The following RBFOX1 variants were observed in gnomAD, a reference collection of about 807,000 sequenced individuals.
The protein encoded by RBFOX1 is RNA binding protein fox-1 homolog 1.
In RBFOX1, 8 loss-of-function variants were observed where a neutral mutation model predicts 57.7. The ratio of observed to expected loss-of-function variants is 0.14; its 90% confidence interval spans 0.08 to 0.25. The LOEUF is 0.25. RBFOX1 is among the 10% of genes least tolerant of loss of function. The pLI, the probability that RBFOX1 is intolerant of heterozygous loss-of-function variation, is 1.00. For synonymous variants in RBFOX1, 326 were observed against 222.4 expected (o/e 1.47, Z -4.15); for missense variants, 611 against 548.5 (o/e 1.11, Z -1.14).
At chr16:7,317,426 C>G (rs1236037484) in intron 4 of RBFOX1, among the ~76,000 whole-genome samples, 1 of 152,138 alleles carries the variant, frequency 6.6e-6, no homozygotes, top group Non-Finnish European at 1.5e-5. Context: ...ACTCTACCAT[C>G]ACCACCACTA....
At chr16:7,426,180 A>G (rs2098609396) in intron 4 of RBFOX1, among the ~76,000 whole-genome samples, 1 of 152,224 alleles carries the variant, frequency 6.6e-6, no homozygotes, top group Non-Finnish European at 1.5e-5. Context: ...AGAAGCAAAC[A>G]CAGCCGAAAA....
At chr16:6,652,461 A>C (rs967540125) in intron 2 of RBFOX1, among the ~76,000 whole-genome samples, 1 of 151,950 alleles carries the variant, frequency 6.6e-6, no homozygotes, top group African/African-American at 2.4e-5. Context: ...AAGAAAAAAA[A>C]AAGCCATGGG....
At chr16:6,029,541 A>G (rs886951505) in intron 1 of RBFOX1, among the ~76,000 whole-genome samples, 3 of 152,182 alleles carry the variant, frequency 2.0e-5, no homozygotes, top group Admixed American at 1.3e-4. Flanking sequence ...TGGGAGGCTG[A>G]GGCGGGTGGA....
intron 3 of RBFOX1, among the ~76,000 whole-genome samples, chr16:7,023,738 C>T (rs1355839647): frequency 6.6e-6 from 1 of 152,048 alleles, no homozygotes; most frequent in East Asian, 1.9e-4. Context: ...AAACAGGTAT[C>T]ACTTATCAAT....
chr16:5,475,081 G>A (rs545500239), intron 2 of RBFOX1, among the ~76,000 whole-genome samples: 43 of 152,266 alleles, frequency 2.8e-4, no homozygotes, highest in African/African-American at 1.0e-3. Flanking sequence ...CTTGGAAGTG[G>A]CACATGGATG....
At chr16:7,075,763 G>A (rs1186457904) in intron 4 of RBFOX1, among the ~76,000 whole-genome samples, 1 of 152,008 alleles carries the variant, frequency 6.6e-6, no homozygotes, top group East Asian at 1.9e-4. Context: ...TTTATTTTTA[G>A]TAGAGACGGG....
intron 3 of RBFOX1, chr16:6,773,765 G>C (rs914684015): frequency 6.5e-6 from 1 of 153,638 alleles, no homozygotes; most frequent in East Asian, 2.0e-4. Flanking sequence ...ATGTGTGGGC[G>C]TGGGGTGCAT....
chr16:6,606,955 C>T (rs2097940426), intron 2 of RBFOX1, among the ~76,000 whole-genome samples: 1 of 152,198 alleles, frequency 6.6e-6, no homozygotes, highest in African/African-American at 2.4e-5. Flanking sequence ...AATGGTTGAA[C>T]AAATTTACAT....
intron 5 of RBFOX1, among the ~76,000 whole-genome samples, chr16:7,542,976 C>T (rs768958124): frequency 6.6e-6 from 1 of 152,146 alleles, no homozygotes. Context: ...TAGGTACTGA[C>T]ATTTGAGGCT....
At chr16:5,287,409 A>G (rs1333435453) in intron 1 of RBFOX1, among the ~76,000 whole-genome samples, 3 of 152,228 alleles carry the variant, frequency 2.0e-5, no homozygotes, top group Non-Finnish European at 2.9e-5. Context: ...AGTCTTATTC[A>G]TTATAAATAA....
At chr16:5,278,173 C>T (rs2063187489) in intron 1 of RBFOX1, among the ~76,000 whole-genome samples, 1 of 152,052 alleles carries the variant, frequency 6.6e-6, no homozygotes, top group Non-Finnish European at 1.5e-5. Flanking sequence ...ATTTGTTGTG[C>T]TTTGTCTTTT....
chr16:7,002,261 C>G (rs1313037613), intron 3 of RBFOX1, among the ~76,000 whole-genome samples: 1 of 152,174 alleles, frequency 6.6e-6, no homozygotes, highest in South Asian at 2.1e-4. Flanking sequence ...TGAAGTTAAT[C>G]TATCTACTTT....
At chr16:7,598,047 C>G (rs1236820901) in intron 9 of RBFOX1, among the ~76,000 whole-genome samples, 1 of 152,162 alleles carries the variant, frequency 6.6e-6, no homozygotes, top group Non-Finnish European at 1.5e-5. Context: ...CTTCTGAAAA[C>G]TCCTCCTAAA....
intron 3 of RBFOX1, among the ~76,000 whole-genome samples, chr16:6,882,715 G>A (rs1321776841): frequency 6.6e-6 from 1 of 152,130 alleles, no homozygotes; most frequent in Non-Finnish European, 1.5e-5. Context: ...GATATTTGGA[G>A]TCTGACATAA....
chr16:5,830,242 T>C (rs2056216331), intron 3 of RBFOX1, among the ~76,000 whole-genome samples: 1 of 152,134 alleles, frequency 6.6e-6, no homozygotes. Context: ...ACCCTCCCTA[T>C]CTAGTTGGTT....
At chr16:6,319,948 C>G (rs2081568809) in intron 2 of RBFOX1, among the ~76,000 whole-genome samples, 1 of 151,988 alleles carries the variant, frequency 6.6e-6, no homozygotes, top group African/African-American at 2.4e-5. Context: ...TTTCTTTGGT[C>G]TAGTGCTATC....
chr16:5,503,939 A>T (rs553546611), intron 2 of RBFOX1, among the ~76,000 whole-genome samples: 54 of 152,260 alleles, frequency 3.5e-4, no homozygotes, highest in African/African-American at 1.1e-3. Flanking sequence ...ATTTCATATA[A>T]ATAGCCTCCT....
At chr16:6,692,331 G>A (rs529753511) in intron 3 of RBFOX1, among the ~76,000 whole-genome samples, 1 of 5,450 alleles carries the variant, frequency 1.8e-4, no homozygotes, top group African/African-American at 2.0e-4. Context: ...TTTTCACTAA[G>A]TGTTTCATCT....
chr16:6,730,432 TA>T (rs1260387495), intron 3 of RBFOX1, among the ~76,000 whole-genome samples: 59 of 112,884 alleles, frequency 5.2e-4, no homozygotes, highest in African/African-American at 1.6e-3. Flanking sequence ...CATCTATATC[TA>T]ATCTATCAAT....
Sources: gnomAD v4.1 joint callset for allele counts (sites outside exome capture counted in the v4.1 genomes callset) on GRCh38, gnomAD v4.1.1 for gene constraint, MANE v1.5 for transcripts, NCBI Gene and HGNC (gene_info 2026-07-23, HGNC 2026-07-21) for gene names.